The following CD247 variants were observed in gnomAD, a reference collection of about 807,000 sequenced individuals.
The protein encoded by CD247 is CD247 molecule.
In CD247, 13 loss-of-function variants were observed where a neutral mutation model predicts 30.0. That is an observed-to-expected ratio of 0.43 (90% confidence interval 0.28 to 0.69). CD247 has a LOEUF of 0.69. CD247 is among the 30% of genes least tolerant of loss of function. The pLI is 0.16. For synonymous variants in CD247, 72 were observed against 80.0 expected, an observed-to-expected ratio of 0.90 and a Z score of 0.53; for missense variants, 193 against 212.6, an observed-to-expected ratio of 0.91 and a Z score of 0.57.
At chr1:167,514,535 C>T (rs1655523258) in intron 1 of CD247, among the ~76,000 whole-genome samples, 6 of 152,004 alleles carry the variant, frequency 3.9e-5, no homozygotes, top group South Asian at 2.1e-4. Flanking sequence ...TTTTTTAGAC[C>T]GGAAGACATA....
At chr1:167,449,453 C>G (rs1652255929) in intron 1 of CD247, among the ~76,000 whole-genome samples, 1 of 151,852 alleles carries the variant, frequency 6.6e-6, no homozygotes, top group Admixed American at 6.6e-5. Flanking sequence ...CGAGCCCAGC[C>G]TTTGTGATCA....
At chr1:167,516,418 A>C (rs1433404023) in intron 1 of CD247, among the ~76,000 whole-genome samples, 3 of 152,246 alleles carry the variant, frequency 2.0e-5, no homozygotes, top group Non-Finnish European at 4.4e-5. Context: ...TTTCCAAAGA[A>C]ATGCAAATGC....
At chr1:167,440,385 ATCGCC>A in intron 2 of CD247, 1 of 499,788 alleles carries the variant, frequency 2.0e-6, no homozygotes, top group South Asian at 2.1e-5. Context: ...CACCAGTAGC[ATCGCC>A]TTCCCTGGGA....
At chr1:167,517,612 T>G (rs1468514238) in intron 1 of CD247, among the ~76,000 whole-genome samples, 2 of 152,226 alleles carry the variant, frequency 1.3e-5, no homozygotes, top group Non-Finnish European at 2.9e-5. Context: ...CTGCTCGTGG[T>G]GGTGACTTAA....
At chr1:167,434,607 G>C (rs953808) in intron 5 of CD247, 320,563 of 365,416 alleles carry the variant, frequency 0.88, 140,921 homozygotes, top group South Asian at 0.91. Context: ...CTTCCTATAG[G>C]GGGGTACACT....
At chr1:167,457,606 A>G (rs935087590) in intron 1 of CD247, 1 of 152,242 alleles carries the variant, frequency 6.6e-6, no homozygotes, top group African/African-American at 2.4e-5. Flanking sequence ...GAGTCTTCCT[A>G]AATATTGCCC....
At chr1:167,516,617 G>T (rs747801738) in intron 1 of CD247, among the ~76,000 whole-genome samples, 2 of 152,146 alleles carry the variant, frequency 1.3e-5, no homozygotes, top group Non-Finnish European at 2.9e-5. Context: ...TCTGAGTCGC[G>T]CTTTGCCTTA....
intron 5 of CD247, 120 bp downstream of exon 5, chr1:167,435,279 C>T: frequency 1.8e-6 from 1 of 556,070 alleles, no homozygotes; most frequent in East Asian, 4.5e-5. Flanking sequence ...TCCTCCAGCC[C>T]TTCCTCCAGC....
intron 1 of CD247, among the ~76,000 whole-genome samples, chr1:167,448,188 A>C (rs1652183184): frequency 6.6e-6 from 1 of 152,182 alleles, no homozygotes. Flanking sequence ...CACACGTGTG[A>C]GTTTTCTCAT....
At chr1:167,471,468 G>A (rs1036659985) in intron 1 of CD247, among the ~76,000 whole-genome samples, 1 of 152,132 alleles carries the variant, frequency 6.6e-6, no homozygotes, top group Non-Finnish European at 1.5e-5. Context: ...AACCTACCCA[G>A]TAAGCAAAAA....
intron 2 of CD247, chr1:167,439,935 A>G: frequency 5.9e-6 from 1 of 168,862 alleles, no homozygotes; most frequent in South Asian, 1.5e-4. Flanking sequence ...AAGCTGACAC[A>G]GCCTCACTCC....
intron 3 of CD247, among the ~76,000 whole-genome samples, chr1:167,439,052 C>G (rs557227067): frequency 6.6e-6 from 1 of 152,296 alleles, no homozygotes; most frequent in East Asian, 1.9e-4. Context: ...CCCCCTCTAG[C>G]CTTTGCAAAT....
At chr1:167,470,586 CCACT>C (rs1653473227) in intron 1 of CD247, among the ~76,000 whole-genome samples, 1 of 148,762 alleles carries the variant, frequency 6.7e-6, no homozygotes, top group Admixed American at 6.7e-5. Context: ...CAAAAACCAA[CCACT>C]CAAACATAAT....
At chr1:167,439,498 C>T (rs1230931046) in intron 2 of CD247, 98 bp from the exon 3 acceptor site, 5 of 1,044,388 alleles carry the variant, frequency 4.8e-6, no homozygotes, top group Middle Eastern at 2.2e-4. Flanking sequence ...AGCCCTACTC[C>T]GCTCCTTGGC....
chr1:167,475,147 C>A (rs1018400932), intron 1 of CD247, among the ~76,000 whole-genome samples: 5 of 152,082 alleles, frequency 3.3e-5, no homozygotes, highest in African/African-American at 1.2e-4. Flanking sequence ...TGCTAAGGAA[C>A]CAAATTATTA....
At chr1:167,442,833 G>A (rs34406771) in intron 1 of CD247, among the ~76,000 whole-genome samples, 4,989 of 151,562 alleles carry the variant, frequency 0.033, 285 homozygotes, top group African/African-American at 0.11. Context: ...CACAGACCCT[G>A]CCCAGAGACC....
chr1:167,445,231 T>C (rs545757790), intron 1 of CD247, among the ~76,000 whole-genome samples: 3 of 152,250 alleles, frequency 2.0e-5, no homozygotes, highest in South Asian at 4.2e-4. Context: ...TGGCCAAATA[T>C]GATACTTCTT....
At chr1:167,441,028 G>C (rs1018247069) in intron 1 of CD247, among the ~76,000 whole-genome samples, 1 of 152,192 alleles carries the variant, frequency 6.6e-6, no homozygotes. Context: ...GTGGAAACAA[G>C]GCGAGCAGAT....
At chr1:167,470,574 G>T (rs1466350189) in intron 1 of CD247, among the ~76,000 whole-genome samples, 1 of 143,194 alleles carries the variant, frequency 7.0e-6, no homozygotes, top group Non-Finnish European at 1.5e-5. Flanking sequence ...ATAAAAATTA[G>T]CCAAAAACCA....
Sources: allele counts gnomAD v4.1 joint callset (sites outside exome capture counted in the v4.1 genomes callset), GRCh38; gene constraint gnomAD v4.1.1; transcripts MANE v1.5; gene names NCBI Gene and HGNC (gene_info 2026-07-23, HGNC 2026-07-21).